CEMIP: variants seen among roughly 807,000 people sequenced by gnomAD.
CEMIP encodes the protein cell migration-inducing and hyaluronan-binding protein.
Under a neutral mutation model 156.9 loss-of-function variants are expected in CEMIP, and 105 were observed. The observed-to-expected ratio is 0.67, with a 90% CI of 0.57 to 0.79. CEMIP has a LOEUF of 0.79. CEMIP is among the 30% of genes least tolerant of loss of function. The pLI, the probability that CEMIP is intolerant of heterozygous loss-of-function variation, is 0.00. For missense variants in CEMIP, 1,457 were observed against 1,769.4 expected, an observed-to-expected ratio of 0.82 and a Z score of 3.17; for synonymous variants, 676 against 668.4, an observed-to-expected ratio of 1.01 and a Z score of -0.17.
chr15:80,896,082 T>C lies in CEMIP; in HGVS notation c.1411+22T>C, dbSNP rs771130058. On this transcript the variant is annotated intron_variant, in intron 12 of 29. Coordinates refer to ENST00000394685, the MANE Select transcript of CEMIP (RefSeq NM_001293298.2). Reference sequence around the variant, plus strand: ...GCAGGTAGGACTTTTACTAATCCCTTCCTAGACTGGATGAATCTGAAAATT... The same window carrying C: ...GCAGGTAGGACTTTTACTAATCCCTCCCTAGACTGGATGAATCTGAAAATT... 4 of 1,609,798 alleles carry C rather than the reference T, an allele frequency of 2.5e-6. No homozygotes were observed. The South Asian group carries it at 4.4e-5, about 18-fold the overall frequency.
chr15:80,880,280 A>C (rs1404473226), intron 5 of CEMIP, among the ~76,000 whole-genome samples: 1 of 152,266 alleles, frequency 6.6e-6, no homozygotes. Flanking sequence ...GCGCATGTCC[A>C]GGTGATTCCA....
chr15:80,786,460 A>G, intron 1 of CEMIP, among the ~76,000 whole-genome samples: 1 of 152,022 alleles, frequency 6.6e-6, no homozygotes, highest in East Asian at 1.9e-4. Context: ...TCCTGAGCCC[A>G]AGATATCTGC....
chr15:80,930,844 C>T (rs1900886855), intron 21 of CEMIP, among the ~76,000 whole-genome samples: 1 of 152,068 alleles, frequency 6.6e-6, no homozygotes, highest in Non-Finnish European at 1.5e-5. Flanking sequence ...ATTTTTTCTT[C>T]TTTATATTTG....
chr15:80,932,653 G>A lies in CEMIP; in HGVS notation c.2794-592G>A, dbSNP rs566056916. Among the ~76,000 whole-genome samples, 28 of 152,168 alleles carry A rather than the reference G, an allele frequency of 1.8e-4. No homozygotes were observed. The highest frequency in any genetic ancestry group is 6.7e-4 in the African/African-American group (28 of 41,506). On this transcript the variant is annotated intron_variant, in intron 22 of 29. Coordinates refer to ENST00000394685, the MANE Select transcript of CEMIP (RefSeq NM_001293298.2). The surrounding 1 kb of genome is among the most constrained non-coding windows in gnomAD (Gnocchi z 4.5). ...CCCTGCTCCTGCCTTTTGCCTGTTT[G>A]CCCAGTTCCTGGCAGGCTGAGGGAA... is the stretch of plus-strand genomic sequence containing the variant.
intron 1 of CEMIP, among the ~76,000 whole-genome samples, chr15:80,784,414 G>A (rs1895874504): frequency 6.6e-6 from 1 of 152,180 alleles, no homozygotes; most frequent in Non-Finnish European, 1.5e-5. Flanking sequence ...GCACTCTTTG[G>A]CCCTCTCTGA....
At chr15:80,835,248 G>C (rs1192490257) in intron 1 of CEMIP, among the ~76,000 whole-genome samples, 2 of 152,152 alleles carry the variant, frequency 1.3e-5, no homozygotes, top group Non-Finnish European at 2.9e-5. Context: ...GCTACTCCAA[G>C]TTCCCCCAAT....
At chr15:80,944,484 C>T (rs1338535571) in intron 28 of CEMIP, among the ~76,000 whole-genome samples, 3 of 152,114 alleles carry the variant, frequency 2.0e-5, no homozygotes, top group Admixed American at 6.6e-5. Flanking sequence ...AAAGTCTAAG[C>T]GCTTCATGTG....
intron 1 of CEMIP, among the ~76,000 whole-genome samples, chr15:80,864,628 T>C (rs1293003954): frequency 6.6e-6 from 1 of 152,228 alleles, no homozygotes; most frequent in Non-Finnish European, 1.5e-5. Context: ...GAGGCTTAGA[T>C]TGTTGAGTAA....
chr15:80,825,498 A>G (rs1157357673), intron 1 of CEMIP, among the ~76,000 whole-genome samples: 5 of 152,212 alleles, frequency 3.3e-5, no homozygotes, highest in Admixed American at 3.3e-4. Context: ...TGTTAATAAG[A>G]ATTTCCAGGA....
rs999342131 is a variant in CEMIP at position 80,937,982 on chromosome 15, G to A, written c.3407+3G>A. 9.9e-6 allele frequency: 16 copies of A among 1,612,750 alleles called. No homozygotes were observed. Among genetic ancestry groups the A allele is most frequent in the Non-Finnish European group, 1.4e-5 (16 of 1,179,450 alleles). On this transcript the variant is annotated splice_donor_region_variant and intron_variant, in intron 25 of 29. Coordinates refer to ENST00000394685, the MANE Select transcript of CEMIP (RefSeq NM_001293298.2). ...TACTACTGGGACGAGGACTCAGGGT[G>A]AGCAGGCGCCCACTTGGCTGCAGGA...
chr15:80,938,597 A>C (rs2141964757), intron 25 of CEMIP, among the ~76,000 whole-genome samples: 1 of 152,266 alleles, frequency 6.6e-6, no homozygotes, highest in Non-Finnish European at 1.5e-5. Context: ...AGAGAGAGTG[A>C]GAGATGGGCA....
At chr15:80,847,057 G>A (rs1050871713) in intron 1 of CEMIP, among the ~76,000 whole-genome samples, 1 of 152,138 alleles carries the variant, frequency 6.6e-6, no homozygotes, top group Non-Finnish European at 1.5e-5. Context: ...GAGGTGGGGT[G>A]GGCAGGACAG....
intron 7 of CEMIP, among the ~76,000 whole-genome samples, chr15:80,886,542 G>T (rs1297466695): frequency 6.6e-6 from 1 of 152,098 alleles, no homozygotes; most frequent in Non-Finnish European, 1.5e-5. Context: ...AGTAAGAGAG[G>T]GCTACTGTAG....
chr15:80,843,257 G>A (rs1043487192), intron 1 of CEMIP, among the ~76,000 whole-genome samples: 4 of 152,180 alleles, frequency 2.6e-5, no homozygotes, highest in African/African-American at 9.7e-5. Flanking sequence ...GTGGTCACTG[G>A]TTCAAGTGAG....
intron 1 of CEMIP, among the ~76,000 whole-genome samples, chr15:80,844,691 C>G (rs1400557417): frequency 6.6e-6 from 1 of 152,218 alleles, no homozygotes; most frequent in African/African-American, 2.4e-5. Context: ...GATTTCAGGG[C>G]CTACCATCCC....
chr15:80,833,385 T>C (rs1234824943), intron 1 of CEMIP, among the ~76,000 whole-genome samples: 2 of 151,978 alleles, frequency 1.3e-5, no homozygotes, highest in Non-Finnish European at 2.9e-5. Flanking sequence ...TATCTGAGGG[T>C]TCAGACTCAC....
In CEMIP at chr15:80,946,939, G is replaced by A. The variant is rs748682056; in HGVS notation, c.3858-26G>A. 4 of 1,514,688 alleles carry A rather than the reference G, an allele frequency of 2.6e-6. No individual in the cohort carries two copies. The Admixed American group carries it at 6.7e-5, about 25-fold the overall frequency. 93.8% of individuals were successfully genotyped at this position (1,514,688 alleles called of 1,614,324 possible). A position where few individuals can be genotyped will look rare whatever the true frequency, so the allele number is the denominator to read the frequency against. On this transcript the variant is annotated intron_variant, in intron 28 of 29. Transcript: ENST00000394685. ...TTTCTCCAGTTTGCTCTCTCCCTCT[G>A]GTCTAATTGGTTTCTTCTCACACAG...
At chr15:80,787,941 C>G (rs1361839264) in intron 1 of CEMIP, among the ~76,000 whole-genome samples, 4 of 152,184 alleles carry the variant, frequency 2.6e-5, no homozygotes, top group Non-Finnish European at 5.9e-5. Flanking sequence ...TAGTCCAAAG[C>G]ATTACTTGTT....
intron 6 of CEMIP, 91 bp downstream of exon 6, chr15:80,881,227 G>GCACCTA: frequency 9.0e-7 from 1 of 1,106,426 alleles, no homozygotes. Flanking sequence ...CTAGGTGCTG[G>GCACCTA]GAGAACAGCA....
Sources: allele counts gnomAD v4.1 joint callset (sites outside exome capture counted in the v4.1 genomes callset), GRCh38; gene constraint gnomAD v4.1.1; non-coding constraint Gnocchi (gnomAD v3.1); transcripts MANE v1.5; gene names NCBI Gene and HGNC (gene_info 2026-07-23, HGNC 2026-07-21).